Variants in PCDHA5 observed in about 807,000 individuals in gnomAD.
PCDHA5 encodes the protein protocadherin alpha 5, also known as protocadherin alpha-5.
A neutral mutation model predicts 61.6 loss-of-function variants in PCDHA5; 43 were observed. That is an observed-to-expected ratio of 0.70 (90% CI 0.55 to 0.90). PCDHA5 has a LOEUF of 0.90. Ranked by LOEUF, PCDHA5 falls within the 40% of genes least tolerant of loss-of-function variation. The probability of loss-of-function intolerance (pLI) is 0.00; values close to 1 mark genes in which losing one functional copy is unlikely to be tolerated. For missense variants in PCDHA5, 1,298 were observed against 1,222.7 expected (o/e 1.06, Z -0.92); for synonymous variants, 627 against 543.9 (o/e 1.15, Z -2.13).
At position 140,974,381 on chromosome 5, in the gene PCDHA5, G is replaced by A. The variant is rs782006620; in HGVS notation, c.2353-4568G>A. 3.3e-5 allele frequency among the ~76,000 whole-genome samples: 5 copies of A among 152,272 alleles called. No homozygotes were observed. In the East Asian group the frequency reaches 7.7e-4, roughly 23 times the overall value. On this transcript the variant is annotated intron_variant, in intron 1 of 3. Transcript: ENST00000529859. ...AGACCTAGCACTTTCTGTTGTACTG[G>A]AACCCATTAGGTATGTTCTAAAGTT...
Position 140,943,173 on chromosome 5 carries a change from G to A in PCDHA5, c.2353-35776G>A, listed in dbSNP as rs143950290. On this transcript the variant is annotated intron_variant, in intron 1 of 3. Coordinates refer to ENST00000529859, the MANE Select transcript of PCDHA5 (RefSeq NM_018908.3). ...CTCTGGAGGCTGAGGCAGGAAAATC[G>A]CTTGAACCCTGGAGGTGGAGGCTGC... is the stretch of plus-strand genomic sequence containing the variant. Among the ~76,000 whole-genome samples the A allele has an allele frequency of 5.6e-3, 834 of 148,712 alleles. 7 individuals are homozygous for A. Among genetic ancestry groups the A allele is most frequent in the African/African-American group, 0.019 (751 of 40,052 alleles).
intron 1 of PCDHA5, among the ~76,000 whole-genome samples, chr5:140,941,255 CTCTT>C (rs1554214207): frequency 2.2e-4 from 10 of 44,514 alleles, no homozygotes; most frequent in East Asian, 7.5e-4. Flanking sequence ...TTCTTTCTTT[CTCTT>C]TCTTTCTTTC....
At chr5:140,989,105 T>A (rs550881823) in intron 3 of PCDHA5, 1 of 152,350 alleles carries the variant, frequency 6.6e-6, no homozygotes, top group Non-Finnish European at 1.5e-5. Context: ...GAAACAACTT[T>A]TGAATATATC....
intron 1 of PCDHA5, chr5:140,865,696 A>G (rs1233175579): frequency 2.0e-5 from 3 of 152,192 alleles, no homozygotes; most frequent in African/African-American, 7.2e-5. Flanking sequence ...GACTGTTCCA[A>G]TTTGAAAGAT....
At chr5:141,006,622 T>C (rs555577523) in intron 3 of PCDHA5, among the ~76,000 whole-genome samples, 21 of 152,132 alleles carry the variant, frequency 1.4e-4, no homozygotes, top group Non-Finnish European at 7.3e-5. Flanking sequence ...AAGGAGACTA[T>C]TGCTGCAATT....
In PCDHA5 at chr5:140,823,126, G is replaced by T; in HGVS notation, c.1351G>T (p.Ala451Ser). 6.2e-7 allele frequency: 1 copy of T among 1,614,022 alleles called. No individual in the cohort carries two copies. The highest frequency in any genetic ancestry group is 1.3e-5 in the African/African-American group (1 of 75,056). Residue 451 changes from alanine (A) to serine (S), a missense_variant, in exon 1 of 4, where the codon GCT (alanine) becomes TCT (serine). Physicochemically the swap from Ala to Ser is moderately conservative, Grantham distance 99. Transcript: ENST00000529859. The stretch of plus-strand genomic sequence containing the variant: ...GGAAGTGGCCGACGTGAACGACAAC[G>T]CTCCGGCGTTCGCGCAGCCCCAGTA... ...SVEVADVNDN[A>S]PAFAQPQYTV...
At chr5:140,933,988 G>C (rs1156532752) in intron 1 of PCDHA5, among the ~76,000 whole-genome samples, 1 of 151,832 alleles carries the variant, frequency 6.6e-6, no homozygotes, top group Non-Finnish European at 1.5e-5. Context: ...CCTGGTGTTA[G>C]TGTCACCTCT....
chr5:140,982,461 G>C lies in PCDHA5; in HGVS notation c.2412-14G>C, dbSNP rs765899879. Reference sequence around the variant, plus strand: ...TATGATCTAACCGTTATCTGGGTCTGTGTGTTTATTCAGCTCTGTGCACCT... The same window carrying C: ...TATGATCTAACCGTTATCTGGGTCTCTGTGTTTATTCAGCTCTGTGCACCT... On this transcript the variant is annotated splice_polypyrimidine_tract_variant and intron_variant, in intron 2 of 3. Coordinates refer to ENST00000529859, the MANE Select transcript of PCDHA5 (RefSeq NM_018908.3). 4.3e-6 allele frequency: 7 copies of C among 1,613,970 alleles called. No homozygotes were observed. The Admixed American group carries it at 6.7e-5, about 15-fold the overall frequency.
intron 1 of PCDHA5, among the ~76,000 whole-genome samples, chr5:140,943,353 G>A (rs2093481887): frequency 6.6e-6 from 1 of 151,602 alleles, no homozygotes; most frequent in Non-Finnish European, 1.5e-5. Flanking sequence ...TGAGAGTAGA[G>A]GAAAGGAGAT....
chr5:140,874,917 T>G (rs2153317662), intron 1 of PCDHA5, among the ~76,000 whole-genome samples: 2 of 152,292 alleles, frequency 1.3e-5, no homozygotes, highest in Middle Eastern at 6.8e-3. Flanking sequence ...GGAGTGCTTG[T>G]GAAGGTTAAA....
intron 1 of PCDHA5, among the ~76,000 whole-genome samples, chr5:140,962,537 A>G (rs1554226101): frequency 6.6e-6 from 1 of 152,208 alleles, no homozygotes; most frequent in Non-Finnish European, 1.5e-5. Context: ...TTTTAGAACT[A>G]AAAATGTAGA....
chr5:140,849,923 G>C, intron 1 of PCDHA5: 3 of 1,598,322 alleles, frequency 1.9e-6, no homozygotes, highest in Non-Finnish European at 2.6e-6. Context: ...ACATCTTCAC[G>C]GTGTCTGCGC....
Position 140,862,663 on chromosome 5 carries a change from G to A in PCDHA5, c.2352+38536G>A, listed in dbSNP as rs1181876695. ...CACAGTGTCCGCGCGGGACCGGGAC[G>A]CGCAGGAGAACGTGCTGGTGTCCTA... On this transcript the variant is annotated intron_variant, in intron 1 of 3. Coordinates refer to ENST00000529859, the MANE Select transcript of PCDHA5 (RefSeq NM_018908.3). The A allele has an allele frequency of 1.5e-5, 8 of 547,042 alleles. No individual in the cohort carries two copies. In the East Asian group the frequency reaches 4.0e-4, roughly 27 times the overall value. The allele number at this position is 547,042 out of a possible 1,614,324, so 33.9% of individuals were successfully genotyped here.
intron 1 of PCDHA5, among the ~76,000 whole-genome samples, chr5:140,838,280 A>ATTTT (rs34299325): frequency 0.022 from 3,084 of 139,540 alleles, 138 homozygotes; most frequent in African/African-American, 0.08. Context: ...AGCCATGCTA[A>ATTTT]TTTTTTTTTT....
At chr5:140,855,306 T>C (rs2043421281) in intron 1 of PCDHA5, among the ~76,000 whole-genome samples, 1 of 149,750 alleles carries the variant, frequency 6.7e-6, no homozygotes, top group Admixed American at 6.7e-5. Context: ...AGTTATAAAA[T>C]TGGAACATGA....
At chr5:140,859,113 T>C (rs1042936960) in intron 1 of PCDHA5, 1 of 150,138 alleles carries the variant, frequency 6.7e-6, no homozygotes, top group Non-Finnish European at 1.5e-5. Context: ...CAGAAGAAAA[T>C]GTATGTTTCT....
intron 1 of PCDHA5, chr5:140,875,574 C>A (rs368911944): frequency 2.2e-5 from 35 of 1,613,978 alleles, no homozygotes; most frequent in East Asian, 6.7e-5. Context: ...TCCACTACTC[C>A]GTCTACGAGG....
chr5:140,852,628 G>A, intron 1 of PCDHA5: 1 of 953,102 alleles, frequency 1.0e-6, no homozygotes, highest in Non-Finnish European at 1.3e-6. Context: ...TGGTCTCTGA[G>A]CTCCTGTCAT....
chr5:140,836,758 G>A (rs2150269396), intron 1 of PCDHA5: 3 of 1,572,392 alleles, frequency 1.9e-6, no homozygotes, highest in African/African-American at 2.7e-5. Context: ...AAATAATCTT[G>A]TTTCCAACAA....
Sources: gnomAD v4.1 joint callset for allele counts (sites outside exome capture counted in the v4.1 genomes callset) on GRCh38, gnomAD v4.1.1 for gene constraint, MANE v1.5 for transcripts, NCBI Gene and HGNC (gene_info 2026-07-23, HGNC 2026-07-21) for gene names.